Variants in STXBP5L observed in about 807,000 individuals in gnomAD.
STXBP5L encodes syntaxin-binding protein 5-like.
Under a neutral mutation model 144.5 loss-of-function variants are expected in STXBP5L, and 65 were observed. The observed-to-expected ratio is 0.45, with a 90% CI of 0.37 to 0.55. The LOEUF is 0.55. Ranked by LOEUF, STXBP5L falls within the 20% of genes least tolerant of loss-of-function variation. The pLI, the probability that STXBP5L is intolerant of heterozygous loss-of-function variation, is 0.00. For synonymous variants in STXBP5L, 505 were observed against 469.6 expected, an observed-to-expected ratio of 1.08 and a Z score of -0.97; for missense variants, 1,298 against 1,405.5, an observed-to-expected ratio of 0.92 and a Z score of 1.22.
chr3:121,421,887 C>T lies in STXBP5L; in HGVS notation c.*2790C>T, dbSNP rs989277461. On this transcript the variant is annotated 3_prime_UTR_variant, in exon 27 of 27. Transcript: ENST00000471454. ...AAAAGGCTCTTTGAAGTAGTTAAAA[C>T]GTGTCTTTCAAAATTGCTTTTATAA... The T allele has an allele frequency of 6.6e-6, 1 of 152,152 alleles. No homozygotes were observed. Among genetic ancestry groups the T allele is most frequent in the Non-Finnish European group, 1.5e-5 (1 of 68,012 alleles). 9.4% of individuals were successfully genotyped at this position (152,152 alleles called of 1,614,324 possible). A position where few individuals can be genotyped will look rare whatever the true frequency, so the allele number is the denominator to read the frequency against.
chr3:120,967,606 C>T (rs1482445158), intron 3 of STXBP5L, among the ~76,000 whole-genome samples: 3 of 152,014 alleles, frequency 2.0e-5, no homozygotes, highest in Admixed American at 2.0e-4. Context: ...TATCTTTATA[C>T]TCTAATGTTT....
At chr3:120,931,762 G>T (rs1177962092) in intron 2 of STXBP5L, among the ~76,000 whole-genome samples, 1 of 152,126 alleles carries the variant, frequency 6.6e-6, no homozygotes, top group Non-Finnish European at 1.5e-5. Flanking sequence ...AACCAGTCTG[G>T]GAAGTCAAAC....
intron 9 of STXBP5L, among the ~76,000 whole-genome samples, chr3:121,193,320 CAA>C (rs1408395727): frequency 2.1e-5 from 3 of 142,484 alleles, no homozygotes; most frequent in African/African-American, 7.8e-5. Context: ...AGTCAGGAAA[CAA>C]GAGGTGCTGG....
At chr3:121,304,385 A>G (rs1209840602) in intron 19 of STXBP5L, among the ~76,000 whole-genome samples, 2 of 152,180 alleles carry the variant, frequency 1.3e-5, no homozygotes, top group Non-Finnish European at 2.9e-5. Context: ...GATTGATCTA[A>G]TAACATACAC....
At chr3:121,022,275 G>A (rs994176123) in intron 3 of STXBP5L, among the ~76,000 whole-genome samples, 24 of 152,138 alleles carry the variant, frequency 1.6e-4, no homozygotes, top group East Asian at 1.9e-4. Flanking sequence ...GATTGAAATT[G>A]TAATTAAAAA....
intron 9 of STXBP5L, among the ~76,000 whole-genome samples, chr3:121,196,255 G>A (rs1033997076): frequency 1.3e-5 from 2 of 151,590 alleles, no homozygotes; most frequent in African/African-American, 2.4e-5. Flanking sequence ...TGCCTCCCGG[G>A]TTCAAGCAAT....
intron 5 of STXBP5L, among the ~76,000 whole-genome samples, chr3:121,093,006 C>G (rs2042898448): frequency 6.6e-6 from 1 of 152,146 alleles, no homozygotes; most frequent in Admixed American, 6.5e-5. Context: ...TGTCAAAGGC[C>G]TTTTCTGCAG....
chr3:120,961,274 GT>G (rs529704108), intron 3 of STXBP5L, among the ~76,000 whole-genome samples: 2,889 of 126,284 alleles, frequency 0.023, 51 homozygotes, highest in African/African-American at 0.052. Context: ...TTCTTTTTTT[GT>G]TTTTTTTTTT....
Position 121,210,845 on chromosome 3 carries a change from A to T in STXBP5L, c.956+4844A>T, listed in dbSNP as rs965605010. ...TTTGGTTACTGTAGCCTTGTAGTAT[A>T]GTTTGAAGTCAAGTAGTGTGATGCC... On this transcript the variant is annotated intron_variant, in intron 10 of 26. Coordinates refer to ENST00000471454, the MANE Select transcript of STXBP5L (RefSeq NM_001308330.2). Among the ~76,000 whole-genome samples, 6 of 152,128 alleles carry T rather than the reference A, an allele frequency of 3.9e-5. 1 individual carries two copies. The highest frequency in any genetic ancestry group is 1.2e-4 in the African/African-American group (5 of 41,424).
chr3:120,967,039 G>A (rs1939664984), intron 3 of STXBP5L, among the ~76,000 whole-genome samples: 2 of 152,048 alleles, frequency 1.3e-5, no homozygotes, highest in African/African-American at 4.8e-5. Flanking sequence ...CTGCCGCTTG[G>A]CAGATCAACC....
At chr3:121,387,394 A>T (rs1023127747) in intron 22 of STXBP5L, among the ~76,000 whole-genome samples, 3 of 152,192 alleles carry the variant, frequency 2.0e-5, no homozygotes, top group African/African-American at 7.2e-5. Context: ...GCCGGACAGA[A>T]GGTCTTTAGT....
intron 22 of STXBP5L, among the ~76,000 whole-genome samples, chr3:121,394,678 C>T (rs1201445067): frequency 7.0e-6 from 1 of 142,322 alleles, no homozygotes; most frequent in Non-Finnish European, 1.5e-5. Context: ...GATCTCAGCT[C>T]ACTGCAAGCT....
intron 9 of STXBP5L, among the ~76,000 whole-genome samples, chr3:121,194,703 T>G (rs1373947445): frequency 6.6e-6 from 1 of 152,164 alleles, no homozygotes; most frequent in Non-Finnish European, 1.5e-5. Flanking sequence ...GGGCCTGGGC[T>G]ATTCTTTGTG....
intron 8 of STXBP5L, among the ~76,000 whole-genome samples, chr3:121,154,490 G>A (rs1338384797): frequency 6.6e-6 from 1 of 151,544 alleles, no homozygotes; most frequent in Non-Finnish European, 1.5e-5. Context: ...TCACTTGTCT[G>A]TGTCTTTCCA....
intron 3 of STXBP5L, among the ~76,000 whole-genome samples, chr3:121,020,915 A>G (rs545588139): frequency 6.6e-6 from 1 of 152,140 alleles, no homozygotes; most frequent in African/African-American, 2.4e-5. Flanking sequence ...AGTACCTTAT[A>G]TCTCAATGCT....
intron 5 of STXBP5L, among the ~76,000 whole-genome samples, chr3:121,085,061 T>A (rs76771339): frequency 0.21 from 32,406 of 151,902 alleles, 3,681 homozygotes; most frequent in Non-Finnish European, 0.26. Flanking sequence ...TTTGATGGGG[T>A]TGATGGTTTT....
chr3:121,305,654 GA>G (rs1161626030), intron 19 of STXBP5L, among the ~76,000 whole-genome samples: 2 of 152,008 alleles, frequency 1.3e-5, no homozygotes, highest in Non-Finnish European at 2.9e-5. Context: ...TTCCTCAATA[GA>G]ATAAACCGTA....
At chr3:121,182,979 A>G (rs2047220497) in intron 9 of STXBP5L, among the ~76,000 whole-genome samples, 1 of 152,248 alleles carries the variant, frequency 6.6e-6, no homozygotes, top group African/African-American at 2.4e-5. Flanking sequence ...AGTGAGTTTC[A>G]TACCAGTGAT....
At chr3:120,982,690 G>T (rs1389667613) in intron 3 of STXBP5L, among the ~76,000 whole-genome samples, 5 of 152,214 alleles carry the variant, frequency 3.3e-5, no homozygotes, top group Admixed American at 3.3e-4. Flanking sequence ...TGTATATAGA[G>T]GGGGAGTGGC....
Sources: allele counts gnomAD v4.1 joint callset (sites outside exome capture counted in the v4.1 genomes callset), GRCh38; gene constraint gnomAD v4.1.1; transcripts MANE v1.5; gene names NCBI Gene and HGNC (gene_info 2026-07-23, HGNC 2026-07-21).